DCP2: variants seen among roughly 807,000 people sequenced by gnomAD.
DCP2 encodes the protein decapping mRNA 2.
In DCP2, 30 loss-of-function variants were observed where a neutral mutation model predicts 56.1. The ratio of observed to expected loss-of-function variants is 0.53; its 90% CI spans 0.40 to 0.73. The LOEUF is 0.73. Ranked by LOEUF, DCP2 falls within the 30% of genes least tolerant of loss-of-function variation. DCP2 has a pLI of 0.00. For missense variants in DCP2, 533 were observed against 502.7 expected (o/e 1.06, Z -0.58); for synonymous variants, 197 against 163.3 (o/e 1.21, Z -1.57).
intron 1 of DCP2, among the ~76,000 whole-genome samples, chr5:112,983,794 G>A (rs79053884): frequency 0.017 from 2,581 of 152,246 alleles, 69 homozygotes; most frequent in African/African-American, 0.058. Context: ...GAATGGCTTC[G>A]ATCTTCTCAA....
At chr5:112,982,618 C>T (rs1023985778) in intron 1 of DCP2, among the ~76,000 whole-genome samples, 1 of 152,212 alleles carries the variant, frequency 6.6e-6, no homozygotes, top group African/African-American at 2.4e-5. Flanking sequence ...TTAATACTAC[C>T]TTCCACTGCT....
chr5:113,013,116 G>T (rs1749747014), intron 10 of DCP2, among the ~76,000 whole-genome samples: 1 of 152,180 alleles, frequency 6.6e-6, no homozygotes, highest in Non-Finnish European at 1.5e-5. Context: ...TTTTGAATAT[G>T]TGGAAATAAT....
At position 113,013,427 on chromosome 5, in the gene DCP2, A is replaced by G; in HGVS notation, c.1206A>G (p.Arg402=). The G allele has an allele frequency of 1.2e-6, 2 of 1,614,122 alleles. No individual in the cohort carries two copies. The highest frequency in any genetic ancestry group is 1.7e-6 in the Non-Finnish European group (2 of 1,179,988). ...ATTGCAAGTTCCCCTTTTCATCCAGAGCCTTTTTGAGTTTCAAGTTTGACC... is the reference window on the plus strand; with the variant it reads ...ATTGCAAGTTCCCCTTTTCATCCAGGGCCTTTTTGAGTTTCAAGTTTGACC... ...NGHCKFPFSS[R]AFLSFKFDHN... is the part of the protein sequence containing the mutation. The change falls in exon 11 of 11, where the codon AGA becomes AGG. Residue 402 remains arginine, a synonymous_variant. Coordinates refer to ENST00000389063, the MANE Select transcript of DCP2 (RefSeq NM_152624.6).
At chr5:112,985,635 A>G (rs1748242486) in intron 1 of DCP2, among the ~76,000 whole-genome samples, 200 bp from the exon 2 acceptor site, 2 of 152,182 alleles carry the variant, frequency 1.3e-5, no homozygotes, top group Admixed American at 1.3e-4. Context: ...ACTGTATTAA[A>G]AGTGAGATAC....
intron 2 of DCP2, among the ~76,000 whole-genome samples, 162 bp from the exon 3 acceptor site, chr5:112,991,959 C>A (rs1264237422): frequency 6.6e-6 from 1 of 152,122 alleles, no homozygotes; most frequent in Admixed American, 6.5e-5. Flanking sequence ...GCTGGGGTTA[C>A]AGGTGTGAGC....
chr5:113,001,187 G>C lies in DCP2; in HGVS notation c.536G>C (p.Gly179Ala). The C allele has an allele frequency of 6.2e-7, 1 of 1,613,706 alleles. No individual in the cohort carries two copies. The highest frequency in any genetic ancestry group is 1.3e-5 in the African/African-American group (1 of 75,022). Residue 179 changes from glycine (G) to alanine (A), a missense_variant, in exon 5 of 11, where the codon GGA becomes GCA. Physicochemically the swap from Gly to Ala is moderately conservative, Grantham distance 60. Coordinates refer to ENST00000389063, the MANE Select transcript of DCP2 (RefSeq NM_152624.6). ...DQLARLYIIP[G>A]IPKDTKFNPK... The stretch of plus-strand genomic sequence containing the variant: ...CTTGCTCGTTTGTACATCATTCCAG[G>C]AATTCCAAAAGACACAAAATTTAAC...
At chr5:112,990,829 A>G (rs1395876645) in intron 2 of DCP2, among the ~76,000 whole-genome samples, 1 of 152,224 alleles carries the variant, frequency 6.6e-6, no homozygotes, top group Non-Finnish European at 1.5e-5. Context: ...CAAATTTTAA[A>G]TTACAGAATT....
In DCP2 at chr5:113,015,713, TAAC is replaced by T. The variant is rs1402900323; in HGVS notation, c.*2230_*2232del. On this transcript the variant is annotated 3_prime_UTR_variant, in exon 11 of 11. Transcript: ENST00000389063. ...TAAAGTTTATGTGTGTGATGTGACTTAACTATGCAGAAAATATTTAAGTTGGAT... is the reference window on the plus strand; with the variant it reads ...TAAAGTTTATGTGTGTGATGTGACTTTATGCAGAAAATATTTAAGTTGGAT... 5.9e-5 allele frequency: 9 copies of T among 152,788 alleles called. No individual in the cohort carries two copies. The East Asian group carries it at 1.7e-3, about 29-fold the overall frequency. The allele number at this position is 152,788 out of a possible 1,614,324, so 9.5% of individuals were successfully genotyped here.
chr5:113,012,516 C>A lies in DCP2; in HGVS notation c.1100-805C>A, dbSNP rs1412542692. On this transcript the variant is annotated intron_variant, in intron 10 of 10. Transcript: ENST00000389063. The stretch of plus-strand genomic sequence containing the variant: ...TCTTTCTACCCCAGCCTCTTGATGT[C>A]TATTCCAAACCTACTTTCTGGTCAA... Among the ~76,000 whole-genome samples the A allele has an allele frequency of 2.6e-5, 4 of 152,262 alleles. 1 individual carries two copies. In the South Asian group the frequency reaches 6.2e-4, roughly 24 times the overall value.
At chr5:112,987,395 G>T (rs1292321286) in intron 2 of DCP2, among the ~76,000 whole-genome samples, 2 of 152,152 alleles carry the variant, frequency 1.3e-5, no homozygotes, top group African/African-American at 4.8e-5. Flanking sequence ...CATATGAGGT[G>T]ATGATGGCAT....
intron 8 of DCP2, among the ~76,000 whole-genome samples, chr5:113,005,143 T>G (rs951892951): frequency 1.6e-4 from 14 of 85,614 alleles, no homozygotes; most frequent in Admixed American, 1.1e-3. Context: ...AAAAAAAGTG[T>G]GCGTGTGGGT....
In DCP2 at chr5:112,978,005, CCT is replaced by C. The variant is rs1320232995; in HGVS notation, c.53+1022_53+1023del. Among the ~76,000 whole-genome samples, 13 of 151,554 alleles carry C rather than the reference CCT, an allele frequency of 8.6e-5. 1 individual carries two copies. Among genetic ancestry groups the C allele is most frequent in the Middle Eastern group, 3.4e-3 (1 of 292 alleles). ...TTTGTTTTTATTTTTTGAGACGGAG[CCT>C]CTTTCTTTTGCCCAGGCTGGTGTGC... On this transcript the variant is annotated intron_variant, in intron 1 of 10. Coordinates refer to ENST00000389063, the MANE Select transcript of DCP2 (RefSeq NM_152624.6).
chr5:112,992,666 T>G lies in DCP2; in HGVS notation c.334-6T>G, dbSNP rs371795259. 4.9e-5 allele frequency: 76 copies of G among 1,566,126 alleles called. No homozygotes were observed. In the African/African-American group the frequency reaches 6.7e-4, roughly 14 times the overall value. ...AGTTTGATTTTTACTTCTGCTTGTT[T>G]TGTAGGTACTACTAGTTCAGGGGTA... On this transcript the variant is annotated splice_region_variant and splice_polypyrimidine_tract_variant and intron_variant, in intron 3 of 10. Transcript: ENST00000389063.
chr5:112,985,321 T>TTGAAA (rs1375258149), intron 1 of DCP2, among the ~76,000 whole-genome samples: 1 of 152,172 alleles, frequency 6.6e-6, no homozygotes, highest in African/African-American at 2.4e-5. Flanking sequence ...ATTTAGGGTT[T>TTGAAA]TGAAAAGTGA....
At chr5:112,992,929 T>G (rs766554606) in intron 4 of DCP2, among the ~76,000 whole-genome samples, 159 bp downstream of exon 4, 1 of 152,050 alleles carries the variant, frequency 6.6e-6, no homozygotes, top group Admixed American at 6.6e-5. Flanking sequence ...CACTGTTGAT[T>G]GTTTTATCCA....
At chr5:113,013,227 C>A in intron 10 of DCP2, 94 bp from the exon 11 acceptor site, 1 of 1,341,288 alleles carries the variant, frequency 7.5e-7, no homozygotes. Context: ...AATATATACT[C>A]AAAACTAATT....
At chr5:113,002,389 C>T (rs1206643274) in intron 7 of DCP2, among the ~76,000 whole-genome samples, 1 of 149,686 alleles carries the variant, frequency 6.7e-6, no homozygotes, top group African/African-American at 2.5e-5. Flanking sequence ...TGCCACTGTA[C>T]TCCAGCCTGG....
chr5:112,998,759 A>T (rs1448045290), intron 4 of DCP2, among the ~76,000 whole-genome samples: 4 of 152,230 alleles, frequency 2.6e-5, no homozygotes. Flanking sequence ...AGAGTTTTTT[A>T]TTATTGCTGA....
chr5:113,006,495 G>A (rs934155948), intron 8 of DCP2, among the ~76,000 whole-genome samples: 7 of 152,134 alleles, frequency 4.6e-5, no homozygotes, highest in Non-Finnish European at 8.8e-5. Flanking sequence ...TTAAAACTGC[G>A]TAGTAACATG....
Sources: allele counts gnomAD v4.1 joint callset (sites outside exome capture counted in the v4.1 genomes callset), GRCh38; gene constraint gnomAD v4.1.1; transcripts MANE v1.5; gene names NCBI Gene and HGNC (gene_info 2026-07-23, HGNC 2026-07-21).